GALNT2: variants seen among roughly 807,000 people sequenced by gnomAD.
GALNT2 encodes the protein UDP-GalNAc:polypeptide N-acetylgalactosaminyltransferase 2.
GALNT2 carries 31 observed loss-of-function variants against 81.4 expected under a neutral mutation model. The observed-to-expected ratio is 0.38, with a 90% confidence interval of 0.29 to 0.51. The LOEUF is 0.51. GALNT2 is among the 20% of genes least tolerant of loss of function. GALNT2 has a pLI of 0.87. For synonymous variants in GALNT2, 303 were observed against 287.4 expected, an observed-to-expected ratio of 1.05 and a Z score of -0.55; for missense variants, 629 against 765.7, an observed-to-expected ratio of 0.82 and a Z score of 2.11.
chr1:230,208,560 G>A (rs185263997), intron 3 of GALNT2, among the ~76,000 whole-genome samples: 149 of 152,356 alleles, frequency 9.8e-4, no homozygotes, highest in African/African-American at 3.3e-3. Flanking sequence ...ATTTAAAACC[G>A]TGAGGCTGGG....
At chr1:230,268,689 C>T (rs1211967515) in intron 14 of GALNT2, among the ~76,000 whole-genome samples, 1 of 152,160 alleles carries the variant, frequency 6.6e-6, no homozygotes. Flanking sequence ...GAGTCTGGGC[C>T]CTGTGGAGGT....
chr1:230,151,157 A>G (rs140467603), intron 1 of GALNT2, among the ~76,000 whole-genome samples: 13 of 152,328 alleles, frequency 8.5e-5, no homozygotes, highest in Non-Finnish European at 1.6e-4. Flanking sequence ...CATAATGATT[A>G]CAGTTGACGA....
At chr1:230,141,222 T>TTA (rs1661720219) in intron 1 of GALNT2, among the ~76,000 whole-genome samples, 1 of 152,154 alleles carries the variant, frequency 6.6e-6, no homozygotes, top group Non-Finnish European at 1.5e-5. Flanking sequence ...AAAGGAGAGA[T>TTA]CCTGCCCATC....
chr1:230,215,052 G>T (rs1664346279), intron 3 of GALNT2, among the ~76,000 whole-genome samples: 1 of 152,186 alleles, frequency 6.6e-6, no homozygotes, highest in African/African-American at 2.4e-5. Flanking sequence ...AATAGGGCAG[G>T]TCACCTTAAT....
intron 1 of GALNT2, among the ~76,000 whole-genome samples, chr1:230,083,736 A>G (rs1659817593): frequency 6.6e-6 from 1 of 152,322 alleles, no homozygotes; most frequent in South Asian, 2.1e-4. Flanking sequence ...TAGTTTCTTC[A>G]GAGGAATGAC....
chr1:230,180,322 T>G (rs1485820330), intron 2 of GALNT2, among the ~76,000 whole-genome samples: 11 of 134,534 alleles, frequency 8.2e-5, no homozygotes, highest in East Asian at 4.1e-4. Context: ...TTTTTTTTTT[T>G]GGCATGTGAG....
chr1:230,256,743 G>A (rs907888993), intron 11 of GALNT2, among the ~76,000 whole-genome samples: 1 of 152,220 alleles, frequency 6.6e-6, no homozygotes, highest in African/African-American at 2.4e-5. Context: ...AGATAGAACA[G>A]CGTACAAGCC....
At chr1:230,251,576 T>C (rs1407945550) in intron 10 of GALNT2, among the ~76,000 whole-genome samples, 1 of 152,166 alleles carries the variant, frequency 6.6e-6, no homozygotes, top group Non-Finnish European at 1.5e-5. Flanking sequence ...TTTTGGGTTG[T>C]TTTAAAAAAA....
chr1:230,122,681 T>C (rs1661055631), intron 1 of GALNT2, among the ~76,000 whole-genome samples: 1 of 152,120 alleles, frequency 6.6e-6, no homozygotes, highest in South Asian at 2.1e-4. Flanking sequence ...TGTGTTTTCC[T>C]TCAGAGCATT....
intron 1 of GALNT2, among the ~76,000 whole-genome samples, chr1:230,145,209 G>A (rs1018518702): frequency 6.6e-6 from 1 of 151,926 alleles, no homozygotes; most frequent in South Asian, 2.1e-4. Context: ...TTCTCAGATC[G>A]CCCCCTGTGT....
At chr1:230,176,667 T>C (rs1055781800) in intron 1 of GALNT2, among the ~76,000 whole-genome samples, 1 of 152,258 alleles carries the variant, frequency 6.6e-6, no homozygotes, top group Admixed American at 6.5e-5. Flanking sequence ...CACCGTTGCC[T>C]ATCTGCCAGG....
chr1:230,085,888 G>A (rs929311282), intron 1 of GALNT2, among the ~76,000 whole-genome samples: 15 of 152,290 alleles, frequency 9.8e-5, no homozygotes, highest in African/African-American at 3.4e-4. Flanking sequence ...TTGACAGATG[G>A]GACGGAGATG....
chr1:230,130,536 G>A (rs1661334873), intron 1 of GALNT2, among the ~76,000 whole-genome samples: 1 of 152,182 alleles, frequency 6.6e-6, no homozygotes, highest in Admixed American at 6.5e-5. Context: ...GCAGTTTGGG[G>A]TTTACTAGGG....
chr1:230,081,427 T>C (rs1659725156), intron 1 of GALNT2, among the ~76,000 whole-genome samples: 1 of 152,218 alleles, frequency 6.6e-6, no homozygotes, highest in Non-Finnish European at 1.5e-5. Flanking sequence ...GTTTAATTTT[T>C]TAATACTCTT....
rs960250766 is a variant in GALNT2, at chr1:230,193,893, C to T, written c.221-9244C>T. Among the ~76,000 whole-genome samples the T allele has an allele frequency of 2.0e-5, 3 of 152,246 alleles. No individual in the cohort carries two copies. In the East Asian group the frequency reaches 5.8e-4, roughly 29 times the overall value. On this transcript the variant is annotated intron_variant, in intron 2 of 15. Transcript: ENST00000366672. The surrounding 1 kb of genome is among the most constrained non-coding windows in gnomAD (Gnocchi z 4.3). ...CACAGAGCTGATGCTGGCGGGGCCC[C>T]GAGCAGCCTTCCCGGGGCCTCAGTG...
At position 230,106,276 on chromosome 1, in the gene GALNT2, A is replaced by G. The variant is rs549863307; in HGVS notation, c.126+38870A>G. On this transcript the variant is annotated intron_variant, in intron 1 of 15. Transcript: ENST00000366672. The stretch of plus-strand genomic sequence containing the variant: ...CTGTGCCCATGGAGGATGGCATGCA[A>G]TTGCCTAAAGATTTCAGTCTGAGAA... Among the ~76,000 whole-genome samples, 15 of 152,284 alleles carry G rather than the reference A, an allele frequency of 9.9e-5. No homozygotes were observed. In the South Asian group the frequency reaches 2.5e-3, roughly 25 times the overall value.
At position 230,275,410 on chromosome 1, in the gene GALNT2, T is replaced by G. The variant is rs1344859122; in HGVS notation, c.1560+846T>G. Among the ~76,000 whole-genome samples, 2 of 150,164 alleles carry G rather than the reference T, an allele frequency of 1.3e-5. No homozygotes were observed. The highest frequency in any genetic ancestry group is 3.0e-5 in the Non-Finnish European group (2 of 67,520). ...TATACACGCCACATATATACATATGTAAACACCACATATATACACACCACA... is the reference window on the plus strand; with the variant it reads ...TATACACGCCACATATATACATATGGAAACACCACATATATACACACCACA... On this transcript the variant is annotated intron_variant, in intron 15 of 15. Coordinates refer to ENST00000366672, the MANE Select transcript of GALNT2 (RefSeq NM_004481.5). This position sits in a 1 kb window ranked among gnomAD's most constrained non-coding sequence, Gnocchi z 5.5.
intron 1 of GALNT2, among the ~76,000 whole-genome samples, chr1:230,139,015 T>A (rs1423823252): frequency 6.6e-6 from 1 of 152,196 alleles, no homozygotes; most frequent in African/African-American, 2.4e-5. Flanking sequence ...AGCCTCATTT[T>A]ACCCTATTCA....
chr1:230,249,407 C>T, intron 9 of GALNT2, 136 bp downstream of exon 9: 1 of 651,408 alleles, frequency 1.5e-6, no homozygotes, highest in East Asian at 2.7e-5. Flanking sequence ...CGTCTCAGCT[C>T]AAAGATGAGC....
Sources: allele counts gnomAD v4.1 joint callset (sites outside exome capture counted in the v4.1 genomes callset), GRCh38; gene constraint gnomAD v4.1.1; non-coding constraint Gnocchi (gnomAD v3.1); transcripts MANE v1.5; gene names NCBI Gene and HGNC (gene_info 2026-07-23, HGNC 2026-07-21).